Variants in SCHIP1 observed in about 807,000 individuals in gnomAD.
SCHIP1 encodes schwannomin interacting protein 1.
In SCHIP1, 8 loss-of-function variants were observed where a neutral mutation model predicts 29.7. The observed-to-expected ratio is 0.27, with a 90% CI of 0.16 to 0.49. The LOEUF is 0.49. Among genes scored for constraint, SCHIP1 ranks in the 20% least tolerant of loss-of-function variants. The pLI is 0.99. For synonymous variants in SCHIP1, 76 were observed against 94.9 expected (o/e 0.80, Z 1.16); for missense variants, 193 against 294.6 (o/e 0.66, Z 2.52).
the SCHIP1 span, chr3:159,768,680 G>A: frequency 1.3e-5 from 2 of 152,272 alleles, no homozygotes; most frequent in African/African-American, 2.4e-5. Flanking sequence ...AGCATGGAAG[G>A]GCCTGGGGAG....
chr3:159,835,897 G>GAA (rs71664476), upstream of SCHIP1, among the ~76,000 whole-genome samples: 2 of 151,560 alleles, frequency 1.3e-5, no homozygotes, highest in African/African-American at 4.8e-5. Flanking sequence ...TGCCACAATT[G>GAA]AAAAAAAATG....
At chr3:159,737,462 G>A in the SCHIP1 span, among the ~76,000 whole-genome samples, 1 of 152,150 alleles carries the variant, frequency 6.6e-6, no homozygotes, top group Non-Finnish European at 1.5e-5. Flanking sequence ...AAATCTCACT[G>A]TAGTGTTCCC....
the SCHIP1 span, among the ~76,000 whole-genome samples, chr3:159,278,394 G>A: frequency 1.3e-5 from 2 of 151,958 alleles, no homozygotes; most frequent in Non-Finnish European, 2.9e-5. Context: ...CTAGGTTAAA[G>A]GAGAAAAAAG....
chr3:159,609,348 C>T, the SCHIP1 span, among the ~76,000 whole-genome samples: 11 of 152,028 alleles, frequency 7.2e-5, no homozygotes, highest in East Asian at 1.9e-4. Flanking sequence ...CCATGAGGTA[C>T]GTAGAAGGGA....
the SCHIP1 span, among the ~76,000 whole-genome samples, chr3:159,674,515 G>T: frequency 6.9e-6 from 1 of 145,822 alleles, no homozygotes; most frequent in African/African-American, 2.5e-5. Context: ...ATCAAGGTTA[G>T]ACATGTGGCA....
At chr3:159,306,088 C>G in the SCHIP1 span, among the ~76,000 whole-genome samples, 1 of 142,042 alleles carries the variant, frequency 7.0e-6, no homozygotes, top group Non-Finnish European at 1.6e-5. Context: ...AGAAAGAAAC[C>G]TTGCTGACCA....
At chr3:159,296,543 G>T in the SCHIP1 span, among the ~76,000 whole-genome samples, 1 of 152,172 alleles carries the variant, frequency 6.6e-6, no homozygotes, top group African/African-American at 2.4e-5. Flanking sequence ...GGAGGCTGAG[G>T]TGGGTGGATC....
chr3:159,598,255 T>G, the SCHIP1 span, among the ~76,000 whole-genome samples: 1 of 152,012 alleles, frequency 6.6e-6, no homozygotes, highest in Non-Finnish European at 1.5e-5. Flanking sequence ...TTCCCAACAG[T>G]CCCCCAAAGT....
At chr3:159,425,646 T>C in the SCHIP1 span, among the ~76,000 whole-genome samples, 1 of 152,062 alleles carries the variant, frequency 6.6e-6, no homozygotes, top group Non-Finnish European at 1.5e-5. Flanking sequence ...GACAGAAAGT[T>C]AACAAGGATA....
the SCHIP1 span, among the ~76,000 whole-genome samples, chr3:159,789,961 A>G: frequency 1.3e-5 from 2 of 152,198 alleles, no homozygotes; most frequent in Non-Finnish European, 2.9e-5. Flanking sequence ...ATTGGAAGGA[A>G]CTGGGGATCC....
the SCHIP1 span, among the ~76,000 whole-genome samples, chr3:159,284,061 G>A: frequency 6.6e-6 from 1 of 152,040 alleles, no homozygotes; most frequent in African/African-American, 2.4e-5. Flanking sequence ...TGCAAGCTTC[G>A]TAAAATGAAA....
chr3:159,573,804 G>A, the SCHIP1 span, among the ~76,000 whole-genome samples: 79 of 151,970 alleles, frequency 5.2e-4, no homozygotes, highest in South Asian at 2.5e-3. Context: ...GGCTTTGTTC[G>A]TTTCTTTTTA....
At chr3:159,835,491 C>G (rs1021162949), upstream of SCHIP1, among the ~76,000 whole-genome samples, 1 of 152,182 alleles carries the variant, frequency 6.6e-6, no homozygotes, top group African/African-American at 2.4e-5. Flanking sequence ...TTCCATTGAC[C>G]TATCCATCTA....
At chr3:159,816,462 TG>T in the SCHIP1 span, among the ~76,000 whole-genome samples, 2,427 of 150,002 alleles carry the variant, frequency 0.016, 26 homozygotes, top group Non-Finnish European at 0.027. Context: ...TTCATAGAGA[TG>T]GGGGTCTTGC....
At chr3:159,500,024 C>A in the SCHIP1 span, among the ~76,000 whole-genome samples, 3 of 151,696 alleles carry the variant, frequency 2.0e-5, no homozygotes, top group Admixed American at 6.6e-5. Flanking sequence ...AGAAGGAAAG[C>A]GACTTGCCAA....
At chr3:159,350,322 C>T in the SCHIP1 span, among the ~76,000 whole-genome samples, 5 of 152,126 alleles carry the variant, frequency 3.3e-5, no homozygotes, top group Non-Finnish European at 7.4e-5. Flanking sequence ...ATGGCATAGG[C>T]TTAATTCTTG....
intron 1 of SCHIP1, among the ~76,000 whole-genome samples, chr3:159,850,160 A>G (rs547320794): frequency 2.0e-5 from 3 of 152,316 alleles, no homozygotes; most frequent in Admixed American, 6.5e-5. Context: ...ATATGCGACA[A>G]TACGTGCTGG....
chr3:159,522,712 T>C, the SCHIP1 span, among the ~76,000 whole-genome samples: 2 of 152,018 alleles, frequency 1.3e-5, no homozygotes, highest in African/African-American at 4.8e-5. Context: ...CTATTAAAAA[T>C]ACAAAAATTA....
the SCHIP1 span, among the ~76,000 whole-genome samples, chr3:159,486,966 G>T: frequency 2.0e-5 from 3 of 152,290 alleles, no homozygotes; most frequent in Non-Finnish European, 4.4e-5. Flanking sequence ...CAAGAGAAGG[G>T]GAGAGTAGAT....
Sources: allele counts gnomAD v4.1 joint callset (sites outside exome capture counted in the v4.1 genomes callset), GRCh38; gene constraint gnomAD v4.1.1; transcripts MANE v1.5; gene names NCBI Gene and HGNC (gene_info 2026-07-23, HGNC 2026-07-21).